SSX2IP: variants seen among roughly 807,000 people sequenced by gnomAD.
The protein encoded by SSX2IP is SSX family member 2 interacting protein, also known as afadin- and alpha-actinin-binding protein.
A neutral mutation model predicts 84.9 loss-of-function variants in SSX2IP; 55 were observed. The observed-to-expected ratio is 0.65, with a 90% confidence interval of 0.52 to 0.81. The LOEUF (loss-of-function observed/expected upper bound fraction) is 0.81. Ranked by LOEUF, SSX2IP falls within the 30% of genes least tolerant of loss-of-function variation. The pLI is 0.00. For synonymous variants in SSX2IP, 239 were observed against 234.7 expected (o/e 1.02, Z -0.17); for missense variants, 664 against 705.2 (o/e 0.94, Z 0.66).
chr1:84,655,647 T>C (rs1650970988), intron 11 of SSX2IP, 185 bp downstream of exon 11: 1 of 1,514,292 alleles, frequency 6.6e-7, no homozygotes, highest in Non-Finnish European at 8.8e-7. Context: ...TTCTCAAATC[T>C]GGTAAGGGGA....
chr1:84,673,916 G>A (rs999735104), intron 1 of SSX2IP, among the ~76,000 whole-genome samples: 1 of 152,152 alleles, frequency 6.6e-6, no homozygotes, highest in Non-Finnish European at 1.5e-5. Context: ...TTCTACTCAT[G>A]TGCTTGGTAA....
intron 4 of SSX2IP, 103 bp from the exon 5 acceptor site, chr1:84,666,335 T>C: frequency 1.2e-6 from 1 of 807,482 alleles, no homozygotes; most frequent in Non-Finnish European, 2.0e-6. Flanking sequence ...TAGTGTTTAT[T>C]AGTCAAAATC....
chr1:84,649,407 T>TG, intron 13 of SSX2IP, among the ~76,000 whole-genome samples: 1 of 152,370 alleles, frequency 6.6e-6, no homozygotes, highest in East Asian at 1.9e-4. Context: ...AACATTTACT[T>TG]GGAGTCCTAA....
At chr1:84,670,053 G>C in intron 3 of SSX2IP, 160 bp from the exon 4 acceptor site, 1 of 565,308 alleles carries the variant, frequency 1.8e-6, no homozygotes, top group East Asian at 3.0e-5. Context: ...TGAAATTGCT[G>C]AGCAAGTAAA....
chr1:84,671,058 C>A lies in SSX2IP; in HGVS notation c.43+119G>T. ...AGTAGACATGAAAATAAGTATTTTA[C>A]AACGATTTGTCTCTCTTTAGTCACA... is the stretch of plus-strand genomic sequence containing the variant. On this transcript the variant is annotated intron_variant, in intron 2 of 13. Coordinates refer to ENST00000342203, the MANE Select transcript of SSX2IP (RefSeq NM_001166293.2). 6 of 1,239,454 alleles carry A rather than the reference C, an allele frequency of 4.8e-6. 1 individual carries two copies. In the South Asian group the frequency reaches 1.0e-4, roughly 21 times the overall value. 76.8% of individuals were successfully genotyped at this position (1,239,454 alleles called of 1,614,324 possible). A position where few individuals can be genotyped will look rare whatever the true frequency, so the allele number is the denominator to read the frequency against.
At chr1:84,673,010 A>AC (rs1475665975) in intron 1 of SSX2IP, among the ~76,000 whole-genome samples, 3 of 152,092 alleles carry the variant, frequency 2.0e-5, no homozygotes, top group South Asian at 4.1e-4. Context: ...GGCGACAGAG[A>AC]CCCCATCTCA....
chr1:84,680,119 T>C (rs1354224872), intron 1 of SSX2IP, among the ~76,000 whole-genome samples: 1 of 152,220 alleles, frequency 6.6e-6, no homozygotes, highest in Non-Finnish European at 1.5e-5. Flanking sequence ...AATTCATGTG[T>C]ATCTCTGGGT....
At position 84,671,322 on chromosome 1, in the gene SSX2IP, T is replaced by C; in HGVS notation, c.-89-14A>G. 2 of 1,524,630 alleles carry C rather than the reference T, an allele frequency of 1.3e-6. No homozygotes were observed. The highest frequency in any genetic ancestry group is 1.8e-6 in the Non-Finnish European group (2 of 1,138,452). 94.4% of individuals were successfully genotyped at this position (1,524,630 alleles called of 1,614,324 possible). A position where few individuals can be genotyped will look rare whatever the true frequency, so the allele number is the denominator to read the frequency against. ...TGTAGGCATCTCCTTAAAAAGCAGA[T>C]TATAGAATAATAGCATCTAATTTAA... On this transcript the variant is annotated splice_polypyrimidine_tract_variant and intron_variant, in intron 1 of 13. Coordinates refer to ENST00000342203, the MANE Select transcript of SSX2IP (RefSeq NM_001166293.2).
intron 8 of SSX2IP, among the ~76,000 whole-genome samples, chr1:84,661,076 A>C (rs1651909602): frequency 6.7e-6 from 1 of 149,276 alleles, no homozygotes; most frequent in Admixed American, 6.6e-5. Flanking sequence ...TTAAAAAAAA[A>C]AAAAAAAAAA....
rs962605050 is a variant in SSX2IP at position 84,658,408 on chromosome 1, A to G, written c.988T>C (p.Ser330Pro). 2 of 1,613,984 alleles carry G rather than the reference A, an allele frequency of 1.2e-6. No homozygotes were observed. The highest frequency in any genetic ancestry group is 2.7e-5 in the African/African-American group (2 of 74,908). Reference protein sequence around the residue: ...ELSRESMWDLSCETVREQLTN... With the variant: ...ELSRESMWDLPCETVREQLTN... ...AGCTGCTCTCTCACAGTTTCACAGG[A>G]AAGGTCCCACATACTCTCTCTGCTT... Residue 330 changes from serine (S) to proline (P), a missense_variant, in exon 9 of 14, where the codon TCC becomes CCC. Transcript: ENST00000342203.
intron 1 of SSX2IP, among the ~76,000 whole-genome samples, chr1:84,685,975 A>G (rs1655726228): frequency 6.6e-6 from 1 of 152,238 alleles, no homozygotes; most frequent in South Asian, 2.1e-4. Flanking sequence ...TCTACTTTAC[A>G]CTATTTAGGC....
chr1:84,644,348 T>G lies in SSX2IP; in HGVS notation c.*3085A>C, dbSNP rs1649237074. 1 of 152,178 alleles carries G rather than the reference T, an allele frequency of 6.6e-6. No individual in the cohort carries two copies. Among genetic ancestry groups the G allele is most frequent in the African/African-American group, 2.4e-5 (1 of 41,436 alleles). 9.4% of individuals were successfully genotyped at this position (152,178 alleles called of 1,614,324 possible). On this transcript the variant is annotated 3_prime_UTR_variant, in exon 14 of 14. Coordinates refer to ENST00000342203, the MANE Select transcript of SSX2IP (RefSeq NM_001166293.2). Reference sequence around the variant, plus strand: ...TTTAATAGTTGGCCTTCCACTCAGCTCAGATTCCTAATAGCAGGCAGCGTG... The same window carrying G: ...TTTAATAGTTGGCCTTCCACTCAGCGCAGATTCCTAATAGCAGGCAGCGTG...
intron 5 of SSX2IP, 121 bp downstream of exon 5, chr1:84,666,001 T>G: frequency 1.4e-6 from 1 of 730,322 alleles, no homozygotes; most frequent in Middle Eastern, 2.5e-4. Flanking sequence ...CCATATCAAT[T>G]TGGGGAAAGA....
chr1:84,657,661 A>G (rs1325409528), intron 9 of SSX2IP, among the ~76,000 whole-genome samples: 2 of 152,186 alleles, frequency 1.3e-5, no homozygotes, highest in African/African-American at 4.8e-5. Flanking sequence ...TGGTGCACCC[A>G]TCACCCAAGC....
At chr1:84,690,681 A>C (rs985983564), upstream of SSX2IP, 2 of 152,106 alleles carry the variant, frequency 1.3e-5, no homozygotes, top group Non-Finnish European at 2.9e-5. Flanking sequence ...TACCTCCAAA[A>C]AAACCCGGAG....
At position 84,650,496 on chromosome 1, in the gene SSX2IP, C is replaced by T. The variant is rs758379276; in HGVS notation, c.1536G>A (p.Ser512=). 2.5e-6 allele frequency: 4 copies of T among 1,613,880 alleles called. No homozygotes were observed. The highest frequency in any genetic ancestry group is 1.7e-5 in the Admixed American group (1 of 59,988). ...TGTGAGGCTTCTTTTGCGGCTGCCTCGAGTGCACTATAAGATTGTCCCAAT... is the reference window on the plus strand; with the variant it reads ...TGTGAGGCTTCTTTTGCGGCTGCCTTGAGTGCACTATAAGATTGTCCCAAT... ...SSDWDNLIVH[S]RQPQKKPHSV... is the part of the protein sequence containing the mutation. Residue 512 remains serine, a synonymous_variant, in exon 13 of 14, where the codon TCG becomes TCA. Transcript: ENST00000342203.
intron 9 of SSX2IP, among the ~76,000 whole-genome samples, chr1:84,657,308 AG>A (rs1651260339): frequency 1.3e-5 from 2 of 152,264 alleles, no homozygotes; most frequent in South Asian, 4.1e-4. Context: ...TTTAAAAAAA[AG>A]TAAGTATCTT....
At position 84,651,867 on chromosome 1, in the gene SSX2IP, T is replaced by TTTA. The variant is rs1297859283; in HGVS notation, c.1504+13_1504+15dup. ...TTATATGCATGTTCAAATTAAAGAG[T>TTTA]TTATAAAGTACTCACTTCCTGAGAA... On this transcript the variant is annotated intron_variant, in intron 12 of 13. Coordinates refer to ENST00000342203, the MANE Select transcript of SSX2IP (RefSeq NM_001166293.2). 6.6e-7 allele frequency: 1 copy of TTTA among 1,506,930 alleles called. No homozygotes were observed. Among genetic ancestry groups the TTTA allele is most frequent in the South Asian group, 1.1e-5 (1 of 87,526 alleles). 93.3% of individuals were successfully genotyped at this position (1,506,930 alleles called of 1,614,324 possible). A position where few individuals can be genotyped will look rare whatever the true frequency, so the allele number is the denominator to read the frequency against.
At chr1:84,663,844 T>C (rs570304247) in intron 6 of SSX2IP, among the ~76,000 whole-genome samples, 1 of 152,372 alleles carries the variant, frequency 6.6e-6, no homozygotes, top group Non-Finnish European at 1.5e-5. Flanking sequence ...TTCTTTGCTT[T>C]TTAATTTACA....
Sources: allele counts gnomAD v4.1 joint callset (sites outside exome capture counted in the v4.1 genomes callset), GRCh38; gene constraint gnomAD v4.1.1; transcripts MANE v1.5; gene names NCBI Gene and HGNC (gene_info 2026-07-23, HGNC 2026-07-21).